The following ADK variants were observed in gnomAD, a reference collection of about 807,000 sequenced individuals.
ADK encodes the protein N6,N6-dimethyladenosine kinase.
In ADK, 24 loss-of-function variants were observed where a neutral mutation model predicts 44.7. That is an observed-to-expected ratio of 0.54 (90% CI 0.39 to 0.76). The LOEUF (loss-of-function observed/expected upper bound fraction) is 0.76. ADK is among the 30% of genes least tolerant of loss of function. ADK has a pLI of 0.00. For synonymous variants in ADK, 128 were observed against 142.6 expected (o/e 0.90, Z 0.73); for missense variants, 321 against 425.1 (o/e 0.76, Z 2.15).
At chr10:74,314,874 T>C (rs1840562584) in intron 4 of ADK, 129 bp downstream of exon 4, 10 of 726,892 alleles carry the variant, frequency 1.4e-5, no homozygotes. Context: ...GGGATTTTAG[T>C]AGTCATTGCA....
intron 7 of ADK, among the ~76,000 whole-genome samples, chr10:74,563,886 T>G (rs1850549516): frequency 2.0e-5 from 3 of 152,016 alleles, no homozygotes; most frequent in Admixed American, 2.0e-4. Flanking sequence ...TCTTTTTTAT[T>G]TATTTATTTA....
chr10:74,502,720 T>C (rs1589181309), intron 6 of ADK, among the ~76,000 whole-genome samples: 2 of 152,116 alleles, frequency 1.3e-5, no homozygotes, highest in South Asian at 2.1e-4. Flanking sequence ...GGGAGAAACA[T>C]TTGAGTCAGG....
At chr10:74,659,086 G>A (rs1012321512) in intron 9 of ADK, among the ~76,000 whole-genome samples, 1 of 152,108 alleles carries the variant, frequency 6.6e-6, no homozygotes, top group Non-Finnish European at 1.5e-5. Flanking sequence ...GGGCATGGTG[G>A]CGCATGCCTG....
intron 9 of ADK, chr10:74,655,870 T>C: frequency 5.0e-6 from 3 of 599,510 alleles, no homozygotes; most frequent in Non-Finnish European, 6.3e-6. Flanking sequence ...GAAGCCAGGC[T>C]GGCAAAGAAT....
At chr10:74,559,395 A>G (rs1470780109) in intron 7 of ADK, among the ~76,000 whole-genome samples, 1 of 152,234 alleles carries the variant, frequency 6.6e-6, no homozygotes, top group East Asian at 1.9e-4. Flanking sequence ...AAACTTATCT[A>G]TCTGCCTTAT....
intron 6 of ADK, among the ~76,000 whole-genome samples, chr10:74,413,279 G>C (rs544630797): frequency 6.6e-6 from 1 of 152,082 alleles, no homozygotes; most frequent in Non-Finnish European, 1.5e-5. Flanking sequence ...TCGAAGCCAA[G>C]CATTTACTTC....
chr10:74,553,699 A>G (rs888963175), intron 7 of ADK, among the ~76,000 whole-genome samples: 1 of 152,160 alleles, frequency 6.6e-6, no homozygotes, highest in African/African-American at 2.4e-5. Context: ...CCTTTTTGTT[A>G]GGGGGTATAG....
At chr10:74,226,510 CTATT>C (rs1844549972) in intron 3 of ADK, among the ~76,000 whole-genome samples, 1 of 152,168 alleles carries the variant, frequency 6.6e-6, no homozygotes, top group South Asian at 2.1e-4. Context: ...CTTGTTTTAT[CTATT>C]TATTCTTCTG....
In ADK at chr10:74,536,323, AATG is replaced by A. The variant is rs1416148310; in HGVS notation, c.726+10900_726+10902del. ...TTTTTTGTTTAGTGAACCTAGGGGAAATGATATTTCTCTCCAAAAAATACCTGA... is the reference window on the plus strand; with the variant it reads ...TTTTTTGTTTAGTGAACCTAGGGGAAATATTTCTCTCCAAAAAATACCTGA... On this transcript the variant is annotated intron_variant, in intron 7 of 10. Coordinates refer to ENST00000539909, the MANE Select transcript of ADK (RefSeq NM_006721.4). Among the ~76,000 whole-genome samples the A allele has an allele frequency of 5.9e-5, 9 of 152,218 alleles. No individual in the cohort carries two copies. In the East Asian group the frequency reaches 1.7e-3, roughly 29 times the overall value.
chr10:74,552,018 A>G (rs202057650), intron 7 of ADK, among the ~76,000 whole-genome samples: 1 of 92,840 alleles, frequency 1.1e-5, no homozygotes, highest in East Asian at 4.8e-4. Context: ...TTTTTGTATT[A>G]TTATTATTAT....
chr10:74,292,443 G>A (rs1839656090), intron 3 of ADK, among the ~76,000 whole-genome samples: 1 of 152,146 alleles, frequency 6.6e-6, no homozygotes, highest in Non-Finnish European at 1.5e-5. Flanking sequence ...CTTAGTCATA[G>A]CAATATTGGA....
intron 8 of ADK, among the ~76,000 whole-genome samples, chr10:74,594,407 A>C (rs1394099111): frequency 7.0e-6 from 1 of 142,592 alleles, no homozygotes; most frequent in Non-Finnish European, 1.5e-5. Context: ...GAAATAAAAA[A>C]AAAATTAAAA....
At chr10:74,520,291 G>A (rs1184681252) in intron 6 of ADK, among the ~76,000 whole-genome samples, 1 of 151,560 alleles carries the variant, frequency 6.6e-6, no homozygotes, top group African/African-American at 2.4e-5. Flanking sequence ...ATTCTGATCA[G>A]AATATTGTTC....
chr10:74,494,096 T>A (rs1432972618), intron 6 of ADK, among the ~76,000 whole-genome samples: 3 of 152,186 alleles, frequency 2.0e-5, no homozygotes, highest in Non-Finnish European at 1.5e-5. Context: ...TCTTTAAAAG[T>A]TTTTAAATTA....
chr10:74,289,139 A>T (rs1847307116), intron 3 of ADK, among the ~76,000 whole-genome samples: 1 of 152,250 alleles, frequency 6.6e-6, no homozygotes, highest in South Asian at 2.1e-4. Context: ...AGAAATTTTT[A>T]AAAACTATAT....
At chr10:74,286,882 T>C (rs1354829438) in intron 3 of ADK, among the ~76,000 whole-genome samples, 1 of 152,210 alleles carries the variant, frequency 6.6e-6, no homozygotes, top group African/African-American at 2.4e-5. Flanking sequence ...AGACTGGGTC[T>C]CACTATGTTG....
chr10:74,628,690 G>A (rs1427673122), intron 9 of ADK, among the ~76,000 whole-genome samples: 1 of 152,034 alleles, frequency 6.6e-6, no homozygotes, highest in Non-Finnish European at 1.5e-5. Context: ...AGCTGAGAGT[G>A]GCAGAAGAAA....
intron 10 of ADK, among the ~76,000 whole-genome samples, chr10:74,703,279 C>T (rs534657491): frequency 3.9e-5 from 6 of 152,066 alleles, no homozygotes; most frequent in African/African-American, 9.6e-5. Flanking sequence ...TCCAGGAGTT[C>T]GAGACCAGCC....
chr10:74,241,377 C>T (rs1034018617), intron 3 of ADK, among the ~76,000 whole-genome samples: 4 of 152,158 alleles, frequency 2.6e-5, no homozygotes, highest in Non-Finnish European at 5.9e-5. Flanking sequence ...ATTGACACAT[C>T]CAAATAAAAC....
Sources: allele counts gnomAD v4.1 joint callset (sites outside exome capture counted in the v4.1 genomes callset), GRCh38; gene constraint gnomAD v4.1.1; transcripts MANE v1.5; gene names NCBI Gene and HGNC (gene_info 2026-07-23, HGNC 2026-07-21).